Variants in ASIC3 observed in about 807,000 individuals in gnomAD.
The protein encoded by ASIC3 is acid sensing ion channel subunit 3.
Under a neutral mutation model 58.6 loss-of-function variants are expected in ASIC3, and 46 were observed. That is an observed-to-expected ratio of 0.79 (90% CI 0.62 to 1.00). The LOEUF is 1.00. Ranked by LOEUF, ASIC3 falls within the 50% of genes least tolerant of loss-of-function variation. The pLI, the probability that ASIC3 is intolerant of heterozygous loss-of-function variation, is 0.00. For missense variants in ASIC3, 770 were observed against 735.0 expected (o/e 1.05, Z -0.55); for synonymous variants, 336 against 300.2 (o/e 1.12, Z -1.23).
Position 151,052,264 on chromosome 7 carries a change from G to A in ASIC3, c.1458+27G>A, listed in dbSNP as rs780168305. Reference sequence around the variant, plus strand: ...TAACAGCCCCTCTTCTGGAGCCCTTGCCTGCTCCAAGGGTGCTAGGGCCCA... The same window carrying A: ...TAACAGCCCCTCTTCTGGAGCCCTTACCTGCTCCAAGGGTGCTAGGGCCCA... On this transcript the variant is annotated intron_variant, in intron 9 of 10. Transcript: ENST00000349064. The surrounding 1 kb of genome is among the most constrained non-coding windows in gnomAD (Gnocchi z 5.0). The A allele has an allele frequency of 1.9e-6, 3 of 1,613,730 alleles. No homozygotes were observed. Among genetic ancestry groups the A allele is most frequent in the Non-Finnish European group, 2.5e-6 (3 of 1,179,970 alleles).
Position 151,048,801 on chromosome 7 carries a change from C to G in ASIC3, c.-85C>G, listed in dbSNP as rs1796688313. ...CTCTCCTTGCCTGGCCTCCTGAATC[C>G]TATCTTAGCCTCCTTAGCCCCCTGA... is the stretch of plus-strand genomic sequence containing the variant. On this transcript the variant is annotated 5_prime_UTR_variant, in exon 1 of 11. Transcript: ENST00000349064. 3 of 1,479,374 alleles carry G rather than the reference C, an allele frequency of 2.0e-6. No individual in the cohort carries two copies. Among genetic ancestry groups the G allele is most frequent in the Admixed American group, 2.3e-5 (1 of 43,860 alleles). The allele number at this position is 1,479,374 out of a possible 1,614,324, so 91.6% of individuals were successfully genotyped here.
chr7:151,048,532 T>C lies in ASIC3; in HGVS notation c.-354T>C, dbSNP rs1220253833. Reference sequence around the variant, plus strand: ...CCCCCCTACTGCTGAAACCCAATCCTCTGCAGCAGCGCCGGCTCAGCACCG... The same window carrying C: ...CCCCCCTACTGCTGAAACCCAATCCCCTGCAGCAGCGCCGGCTCAGCACCG... On this transcript the variant is annotated 5_prime_UTR_variant, in exon 1 of 11. Coordinates refer to ENST00000349064, the MANE Select transcript of ASIC3 (RefSeq NM_004769.4). The C allele has an allele frequency of 2.2e-5, 6 of 268,460 alleles. No homozygotes were observed. Among genetic ancestry groups the C allele is most frequent in the Non-Finnish European group, 4.2e-5 (6 of 143,224 alleles). The allele number at this position is 268,460 out of a possible 1,614,324, so 16.6% of individuals were successfully genotyped here. A position where few individuals can be genotyped will look rare whatever the true frequency, so the allele number is the denominator to read the frequency against.
Position 151,049,152 on chromosome 7 carries a change from C to T in ASIC3, c.267C>T (p.Val89=), listed in dbSNP as rs1294777751. 1 of 1,613,888 alleles carries T rather than the reference C, an allele frequency of 6.2e-7. No individual in the cohort carries two copies. The highest frequency in any genetic ancestry group is 1.1e-5 in the South Asian group (1 of 91,084). The change falls in exon 1 of 11, where the codon GTC becomes GTT. Residue 89 remains valine (V), a synonymous_variant. Coordinates refer to ENST00000349064, the MANE Select transcript of ASIC3 (RefSeq NM_004769.4). ...GCCACCGGCTCATCTTCCCGGCTGT[C>T]ACCCTGTGCAACATCAACCCACTGC... ...RESHRLIFPA[V]TLCNINPLRR...
In ASIC3 at chr7:151,049,175, T is replaced by C; in HGVS notation, c.290T>C (p.Leu97Pro). ...GTCACCCTGTGCAACATCAACCCAC[T>C]GCGCCGCTCGCGCCTAACGCCCAAC... ...PAVTLCNINP[L>P]RRSRLTPNDL... is the part of the protein sequence containing the mutation. Residue 97 changes from leucine (L) to proline (P), a missense_variant, in exon 1 of 11, where the codon CTG becomes CCG. Leu to Pro is a moderately conservative substitution (Grantham distance 98). Coordinates refer to ENST00000349064, the MANE Select transcript of ASIC3 (RefSeq NM_004769.4). 6.2e-7 allele frequency: 1 copy of C among 1,613,710 alleles called. No individual in the cohort carries two copies. The highest frequency in any genetic ancestry group is 8.5e-7 in the Non-Finnish European group (1 of 1,179,868).
At position 151,052,261 on chromosome 7, in the gene ASIC3, C is replaced by T. The variant is rs376432727; in HGVS notation, c.1458+24C>T. ...TGGTAACAGCCCCTCTTCTGGAGCC[C>T]TTGCCTGCTCCAAGGGTGCTAGGGC... On this transcript the variant is annotated intron_variant, in intron 9 of 10. Coordinates refer to ENST00000349064, the MANE Select transcript of ASIC3 (RefSeq NM_004769.4). This position sits in a 1 kb window ranked among gnomAD's most constrained non-coding sequence, Gnocchi z 5.0. 6.2e-7 allele frequency: 1 copy of T among 1,613,810 alleles called. No homozygotes were observed. Among genetic ancestry groups the T allele is most frequent in the Non-Finnish European group, 8.5e-7 (1 of 1,179,980 alleles).
chr7:151,051,036 C>A lies in ASIC3; in HGVS notation c.1010-3C>A. 1.2e-6 allele frequency: 2 copies of A among 1,613,348 alleles called. No individual in the cohort carries two copies. Among genetic ancestry groups the A allele is most frequent in the Non-Finnish European group, 8.5e-7 (1 of 1,180,014 alleles). On this transcript the variant is annotated splice_polypyrimidine_tract_variant and splice_region_variant and intron_variant, in intron 4 of 10. Coordinates refer to ENST00000349064, the MANE Select transcript of ASIC3 (RefSeq NM_004769.4). ...TCTAAAGCCATCTCCCCGGTACCCG[C>A]AGGCGACGTGCCAGTGTGCAGCCCC...
rs557865888 is a variant in ASIC3 at position 151,052,088 on chromosome 7, G to A, written c.1386+26G>A. 1 of 1,613,640 alleles carries A rather than the reference G, an allele frequency of 6.2e-7. No homozygotes were observed. The highest frequency in any genetic ancestry group is 1.7e-5 in the Admixed American group (1 of 59,992). ...GTGGGCCAGGGCCCCCACTGCAGGG[G>A]GTGGGAGGTGGGAATCAGGGCCCCT... On this transcript the variant is annotated intron_variant, in intron 8 of 10. Coordinates refer to ENST00000349064, the MANE Select transcript of ASIC3 (RefSeq NM_004769.4). The surrounding 1 kb of genome is among the most constrained non-coding windows in gnomAD (Gnocchi z 5.0).
At chr7:151,051,435 G>A (rs2150359514) in intron 6 of ASIC3, 116 bp downstream of exon 6, 1 of 1,279,074 alleles carries the variant, frequency 7.8e-7, no homozygotes, top group Non-Finnish European at 1.0e-6. Context: ...AGCCTCCGCA[G>A]CCTCACTGGC....
chr7:151,050,331 G>A, intron 2 of ASIC3, 75 bp downstream of exon 2: 8 of 1,566,352 alleles, frequency 5.1e-6, no homozygotes, highest in Non-Finnish European at 7.0e-6. Flanking sequence ...GAGGAGGAGA[G>A]GAGGTGTCAG....
chr7:151,050,705 C>A, intron 3 of ASIC3, 53 bp from the exon 4 acceptor site: 2 of 1,605,512 alleles, frequency 1.2e-6, no homozygotes, highest in South Asian at 1.1e-5. Context: ...GGCCTCTCCC[C>A]AGCTGGCCTC....
chr7:151,050,036 G>A (rs1796729850), intron 1 of ASIC3, 70 bp from the exon 2 acceptor site: 1 of 1,599,644 alleles, frequency 6.3e-7, no homozygotes, highest in Non-Finnish European at 8.6e-7. Context: ...CATACCATGA[G>A]GTGGGGAGAG....
rs143167179 is a variant in ASIC3 at position 151,049,026 on chromosome 7, G to A, written c.141G>A (p.Ala47=). ...SLSLRRGMWA[A]AVVLSVATFL... ...GCCTGCGCCGGGGGATGTGGGCAGC[G>A]GCCGTGGTCCTGTCAGTGGCCACCT... The change falls in exon 1 of 11, where the codon GCG becomes GCA. Residue 47 remains alanine, a synonymous_variant. Coordinates refer to ENST00000349064, the MANE Select transcript of ASIC3 (RefSeq NM_004769.4). 4.8e-4 allele frequency: 772 copies of A among 1,613,542 alleles called. 1 individual carries two copies. The highest frequency in any genetic ancestry group is 6.3e-4 in the South Asian group (57 of 91,088).
chr7:151,051,890 C>T lies in ASIC3; in HGVS notation c.1295C>T (p.Ser432Leu). ...GAGCAGAAGAAGGCCTATGAGATGT[C>T]AGAGCTGCTTGGTGTGTGTGCAGGG... ...TVEQKKAYEM[S>L]ELLGDIGGQM... The change falls in exon 7 of 11, where the codon TCA becomes TTA. Residue 432 changes from serine (S) to leucine (L), a missense_variant. Coordinates refer to ENST00000349064, the MANE Select transcript of ASIC3 (RefSeq NM_004769.4). The T allele has an allele frequency of 5.6e-6, 9 of 1,613,818 alleles. No individual in the cohort carries two copies. Among genetic ancestry groups the T allele is most frequent in the Non-Finnish European group, 7.6e-6 (9 of 1,179,934 alleles).
chr7:151,049,655 C>T (rs553368532), intron 1 of ASIC3, among the ~76,000 whole-genome samples: 16 of 152,350 alleles, frequency 1.1e-4, no homozygotes, highest in African/African-American at 2.6e-4. Flanking sequence ...ACACTGACCC[C>T]GGCTGGCCCT....
chr7:151,049,448 AG>A (rs1563317632), intron 1 of ASIC3, 29 bp downstream of exon 1: 1 of 1,543,828 alleles, frequency 6.5e-7, no homozygotes. Flanking sequence ...CTATCCTGCC[AG>A]GGACCCAGAG....
At position 151,052,163 on chromosome 7, in the gene ASIC3, C is replaced by A. The variant is rs1270572323; in HGVS notation, c.1387-3C>A. The A allele has an allele frequency of 3.1e-6, 5 of 1,614,032 alleles. No homozygotes were observed. The highest frequency in any genetic ancestry group is 3.3e-5 in the Admixed American group (2 of 60,022). Reference sequence around the variant, plus strand: ...GGCCACCTCCCATCCTGCTTGCCTCCAGGTGTTCCGAGACAAGGTCCTGGG... The same window carrying A: ...GGCCACCTCCCATCCTGCTTGCCTCAAGGTGTTCCGAGACAAGGTCCTGGG... On this transcript the variant is annotated splice_region_variant and splice_polypyrimidine_tract_variant and intron_variant, in intron 8 of 10. Transcript: ENST00000349064. The surrounding 1 kb of genome is among the most constrained non-coding windows in gnomAD (Gnocchi z 5.0).
intron 6 of ASIC3, among the ~76,000 whole-genome samples, 186 bp downstream of exon 6, chr7:151,051,505 C>G (rs1265115945): frequency 6.6e-6 from 1 of 151,780 alleles, no homozygotes; most frequent in Non-Finnish European, 1.5e-5. Context: ...GACGCCTCCT[C>G]CCAGGGGTCT....
rs1796801379 is a variant in ASIC3 at position 151,052,275 on chromosome 7, G to C, written c.1458+38G>C. ...CTTCTGGAGCCCTTGCCTGCTCCAAGGGTGCTAGGGCCCACCCCTGAAGCC... is the reference window on the plus strand; with the variant it reads ...CTTCTGGAGCCCTTGCCTGCTCCAACGGTGCTAGGGCCCACCCCTGAAGCC... On this transcript the variant is annotated intron_variant, in intron 9 of 10. Coordinates refer to ENST00000349064, the MANE Select transcript of ASIC3 (RefSeq NM_004769.4). This position sits in a 1 kb window ranked among gnomAD's most constrained non-coding sequence, Gnocchi z 5.0. The C allele has an allele frequency of 1.2e-6, 2 of 1,613,756 alleles. No individual in the cohort carries two copies. The highest frequency in any genetic ancestry group is 1.7e-6 in the Non-Finnish European group (2 of 1,179,938).
At chr7:151,049,986 A>C (rs915551993) in intron 1 of ASIC3, 120 bp from the exon 2 acceptor site, 4 of 1,343,682 alleles carry the variant, frequency 3.0e-6, no homozygotes, top group East Asian at 2.4e-5. Context: ...GGCTGGGGGC[A>C]TTGAGATGCG....
Sources: allele counts gnomAD v4.1 joint callset (sites outside exome capture counted in the v4.1 genomes callset), GRCh38; gene constraint gnomAD v4.1.1; non-coding constraint Gnocchi (gnomAD v3.1); transcripts MANE v1.5; gene names NCBI Gene and HGNC (gene_info 2026-07-23, HGNC 2026-07-21).